The following SLC1A6 variants were observed in gnomAD, a reference collection of about 807,000 sequenced individuals.
SLC1A6 encodes the protein solute carrier family 1 member 6.
A neutral mutation model predicts 42.1 loss-of-function variants in SLC1A6; 15 were observed. The ratio of observed to expected loss-of-function variants is 0.36; its 90% CI spans 0.24 to 0.55. The LOEUF (loss-of-function observed/expected upper bound fraction) is 0.55, where lower values mean the gene tolerates loss of function less well. Ranked by LOEUF, SLC1A6 falls within the 20% of genes least tolerant of loss-of-function variation. SLC1A6 has a pLI of 0.88. For missense variants in SLC1A6, 542 were observed against 772.5 expected (o/e 0.70, Z 3.54); for synonymous variants, 317 against 319.7 (o/e 0.99, Z 0.09).
intron 1 of SLC1A6, among the ~76,000 whole-genome samples, chr19:15,007,788 G>C (rs2045902802): frequency 1.3e-5 from 2 of 152,072 alleles, no homozygotes; most frequent in South Asian, 4.1e-4. Flanking sequence ...ACTTTGTGGG[G>C]GCGAGACGGG....
upstream of SLC1A6, among the ~76,000 whole-genome samples, chr19:14,981,332 C>A (rs2045766532): frequency 6.6e-6 from 1 of 151,964 alleles, no homozygotes; most frequent in Admixed American, 6.6e-5. Flanking sequence ...TATCTGATGC[C>A]CAAGCCACAC....
intron 1 of SLC1A6, among the ~76,000 whole-genome samples, chr19:14,989,612 GAC>G (rs1023328205): frequency 7.2e-5 from 11 of 151,990 alleles, no homozygotes; most frequent in Non-Finnish European, 1.3e-4. Flanking sequence ...TCGGAGAAAA[GAC>G]AACCCATGTG....
chr19:14,957,123 T>C (rs2045470200), intron 6 of SLC1A6, among the ~76,000 whole-genome samples: 3 of 152,188 alleles, frequency 2.0e-5, no homozygotes, highest in Admixed American at 1.3e-4. Context: ...CCCAACTGTT[T>C]GTTCCACATT....
At chr19:15,004,908 A>T (rs12981198) in intron 1 of SLC1A6, among the ~76,000 whole-genome samples, 154 of 152,112 alleles carry the variant, frequency 1.0e-3, no homozygotes, top group African/African-American at 3.7e-3. Flanking sequence ...CTGTTCAGAC[A>T]CACGCAGGTG....
chr19:15,005,378 G>A (rs142434665), intron 1 of SLC1A6, among the ~76,000 whole-genome samples: 2,801 of 151,982 alleles, frequency 0.018, 84 homozygotes, highest in African/African-American at 0.064. Flanking sequence ...GCGTGGTGGT[G>A]GGCATCTGTA....
At chr19:14,977,956 A>G (rs958820872) in intron 1 of SLC1A6, among the ~76,000 whole-genome samples, 4 of 152,198 alleles carry the variant, frequency 2.6e-5, no homozygotes, top group Non-Finnish European at 5.9e-5. Flanking sequence ...ATAAGTATAT[A>G]CCATCATGAT....
At chr19:14,954,006 C>T in intron 8 of SLC1A6, 129 bp downstream of exon 8, 1 of 793,982 alleles carries the variant, frequency 1.3e-6, no homozygotes, top group Non-Finnish European at 2.0e-6. Flanking sequence ...CTTCCCACAT[C>T]CCGCTTCCAA....
intron 1 of SLC1A6, among the ~76,000 whole-genome samples, chr19:14,987,512 G>A (rs2045798779): frequency 6.6e-6 from 1 of 151,820 alleles, no homozygotes; most frequent in Non-Finnish European, 1.5e-5. Flanking sequence ...ATTATAATCA[G>A]GAAAAGAATA....
rs1360311458 is a variant in SLC1A6 at position 14,972,256 on chromosome 19, C to T, written c.206-382G>A. 2.0e-5 allele frequency among the ~76,000 whole-genome samples: 3 copies of T among 152,164 alleles called. No individual in the cohort carries two copies. In the East Asian group the frequency reaches 5.8e-4, roughly 29 times the overall value. On this transcript the variant is annotated intron_variant, in intron 2 of 9. Coordinates refer to ENST00000594383, the MANE Select transcript of SLC1A6 (RefSeq NM_005071.3). ...ATAGGTGTGATTTGTGTGTATCTTA[C>T]TATTTTCAAACATGGGAGTGTACGT...
intron 4 of SLC1A6, among the ~76,000 whole-genome samples, chr19:14,967,269 C>G (rs1600000927): frequency 6.6e-6 from 1 of 152,154 alleles, no homozygotes; most frequent in Non-Finnish European, 1.5e-5. Flanking sequence ...GCTGCGGGAG[C>G]CTGTCCCCTT....
chr19:14,957,775 T>C (rs1321428118), intron 6 of SLC1A6, among the ~76,000 whole-genome samples: 1 of 152,218 alleles, frequency 6.6e-6, no homozygotes, highest in Non-Finnish European at 1.5e-5. Flanking sequence ...TGGATGGGAC[T>C]GCTTCTGAGC....
At chr19:14,973,985 G>C (rs2045674779) in intron 1 of SLC1A6, 2 of 152,278 alleles carry the variant, frequency 1.3e-5, no homozygotes, top group African/African-American at 4.8e-5. Flanking sequence ...GCACTGTACT[G>C]ATGTTTCCCA....
chr19:14,964,210 T>C, intron 5 of SLC1A6, 109 bp downstream of exon 5: 1 of 874,434 alleles, frequency 1.1e-6, no homozygotes, highest in Non-Finnish European at 1.9e-6. Context: ...CCCTGCCCAT[T>C]GCTCTGTCAG....
At chr19:14,972,022 G>A in intron 2 of SLC1A6, 148 bp from the exon 3 acceptor site, 1 of 683,276 alleles carries the variant, frequency 1.5e-6, no homozygotes, top group East Asian at 2.7e-5. Flanking sequence ...GCACTGATGT[G>A]TGCAGACATT....
chr19:15,003,249 A>AT (rs1443163174), intron 1 of SLC1A6, among the ~76,000 whole-genome samples: 1 of 152,134 alleles, frequency 6.6e-6, no homozygotes, highest in Non-Finnish European at 1.5e-5. Flanking sequence ...AAGTGCTGGG[A>AT]TTACAGGCAT....
chr19:14,952,801 T>C, intron 9 of SLC1A6, 127 bp downstream of exon 9: 1 of 1,266,820 alleles, frequency 7.9e-7, no homozygotes, highest in East Asian at 2.6e-5. Flanking sequence ...CAAGGCCTCC[T>C]TTTCACTTGA....
At chr19:14,983,812 A>T (rs2045780086), upstream of SLC1A6, among the ~76,000 whole-genome samples, 1 of 151,864 alleles carries the variant, frequency 6.6e-6, no homozygotes. Flanking sequence ...CTATGCTCAG[A>T]CATAACTTCT....
chr19:14,974,000 G>C (rs1269007383), intron 1 of SLC1A6: 1 of 152,234 alleles, frequency 6.6e-6, no homozygotes, highest in African/African-American at 2.4e-5. Flanking sequence ...TTCCCAAACT[G>C]CAGGCTTTTG....
At chr19:15,004,571 G>A (rs1023654139) in intron 1 of SLC1A6, among the ~76,000 whole-genome samples, 9 of 149,620 alleles carry the variant, frequency 6.0e-5, no homozygotes, top group African/African-American at 2.2e-4. Context: ...GTGATGGCAT[G>A]CACCTGTAGT....
Sources: allele counts gnomAD v4.1 joint callset (sites outside exome capture counted in the v4.1 genomes callset), GRCh38; gene constraint gnomAD v4.1.1; transcripts MANE v1.5; gene names NCBI Gene and HGNC (gene_info 2026-07-23, HGNC 2026-07-21).